PRDM5: variants seen among roughly 807,000 people sequenced by gnomAD.
PRDM5 encodes the protein PR/SET domain 5.
PRDM5 carries 56 observed loss-of-function variants against 81.2 expected under a neutral mutation model. The observed-to-expected ratio is 0.69, with a 90% CI of 0.56 to 0.86. PRDM5 has a LOEUF of 0.86. Among genes scored for constraint, PRDM5 ranks in the 40% least tolerant of loss-of-function variants. The pLI is 0.00. For missense variants in PRDM5, 697 were observed against 770.1 expected (o/e 0.91, Z 1.12); for synonymous variants, 267 against 256.4 (o/e 1.04, Z -0.39).
At chr4:120,803,981 T>C (rs561015204) in intron 8 of PRDM5, among the ~76,000 whole-genome samples, 10 of 152,094 alleles carry the variant, frequency 6.6e-5, no homozygotes, top group African/African-American at 2.4e-4. Context: ...GAGTCACAAA[T>C]AGGCTCAAAA....
chr4:120,884,867 A>C (rs1430808218), intron 2 of PRDM5, among the ~76,000 whole-genome samples: 1 of 152,046 alleles, frequency 6.6e-6, no homozygotes, highest in Non-Finnish European at 1.5e-5. Flanking sequence ...TTCCCAGTTC[A>C]AAAAAAGAAA....
At chr4:120,834,832 A>T (rs760094167) in intron 3 of PRDM5, among the ~76,000 whole-genome samples, 7 of 152,146 alleles carry the variant, frequency 4.6e-5, no homozygotes, top group Non-Finnish European at 1.0e-4. Context: ...TTGGCTTTTC[A>T]TGCCCTCAGA....
chr4:120,776,969 T>C (rs1748242676), intron 13 of PRDM5, among the ~76,000 whole-genome samples: 1 of 152,186 alleles, frequency 6.6e-6, no homozygotes, highest in African/African-American at 2.4e-5. Context: ...ATTAAAAACA[T>C]TATTTCCACT....
intron 2 of PRDM5, among the ~76,000 whole-genome samples, chr4:120,867,302 A>G (rs1761292637): frequency 6.6e-6 from 1 of 152,234 alleles, no homozygotes; most frequent in Non-Finnish European, 1.5e-5. Context: ...AATGATCTTC[A>G]TAAATTTTAA....
chr4:120,794,168 T>C (rs569177569), intron 10 of PRDM5, among the ~76,000 whole-genome samples: 1 of 152,230 alleles, frequency 6.6e-6, no homozygotes, highest in South Asian at 2.1e-4. Flanking sequence ...GGTGATTTTG[T>C]ACAATATAGC....
chr4:120,889,454 A>G (rs1337090947), intron 2 of PRDM5, among the ~76,000 whole-genome samples: 2 of 152,192 alleles, frequency 1.3e-5, no homozygotes, highest in African/African-American at 4.8e-5. Flanking sequence ...TTTACTTCAA[A>G]GCTGCCTTGA....
intron 14 of PRDM5, among the ~76,000 whole-genome samples, chr4:120,717,261 C>A (rs1737930866): frequency 6.6e-6 from 1 of 152,046 alleles, no homozygotes; most frequent in African/African-American, 2.4e-5. Flanking sequence ...GGAATCATTA[C>A]TAAATGGAGG....
intron 2 of PRDM5, among the ~76,000 whole-genome samples, chr4:120,901,659 T>C (rs980460764): frequency 3.9e-5 from 6 of 152,256 alleles, no homozygotes; most frequent in African/African-American, 1.4e-4. Context: ...TAAATACCTT[T>C]TTAGCATAAG....
At position 120,780,250 on chromosome 4, in the gene PRDM5, T is replaced by C. The variant is rs532642145; in HGVS notation, c.1443+893A>G. Among the ~76,000 whole-genome samples the C allele has an allele frequency of 1.2e-4, 17 of 142,580 alleles. No homozygotes were observed. The South Asian group carries it at 3.6e-3, about 31-fold the overall frequency. The allele number at this position is 142,580 out of a possible 152,430, so 93.5% of individuals were successfully genotyped here. A position where few individuals can be genotyped will look rare whatever the true frequency, so the allele number is the denominator to read the frequency against. On this transcript the variant is annotated intron_variant, in intron 12 of 15. Coordinates refer to ENST00000264808, the MANE Select transcript of PRDM5 (RefSeq NM_018699.4). ...GCTTGAGCCCAGGAGTTCAAGACCA[T>C]CCTGGGCAACATAGCAAGACCCTAT...
intron 2 of PRDM5, among the ~76,000 whole-genome samples, chr4:120,885,134 C>CAAAAAAAAAAAAAAAAAAAAAAAGAAAAA (rs60623556): frequency 3.9e-5 from 2 of 50,708 alleles, no homozygotes; most frequent in Admixed American, 2.3e-4. Flanking sequence ...GACTCCGTAT[C>CAAAAAAAAAAAAAAAAAAAAAAAGAAAAA]AAAAAAAAAA....
chr4:120,895,544 TTCATCTTCTTCCCCTCTGCCC>T (rs1764518341), intron 2 of PRDM5: 1 of 152,506 alleles, frequency 6.6e-6, no homozygotes, highest in South Asian at 2.1e-4. Context: ...CAACACCATC[TTCATCTTCTTCCCCTCTGCCC>T]TCATCTTCTT....
chr4:120,685,156 A>G (rs1733785551), intron 1 of PRDM5: 1 of 152,054 alleles, frequency 6.6e-6, no homozygotes, highest in South Asian at 2.1e-4. Flanking sequence ...TATGAGCTAT[A>G]TCACTTAAAA....
intron 2 of PRDM5, among the ~76,000 whole-genome samples, chr4:120,883,192 A>G (rs957145582): frequency 7.9e-5 from 12 of 152,156 alleles, no homozygotes; most frequent in African/African-American, 2.9e-4. Flanking sequence ...TTTTCTCTCA[A>G]TGTAAAGCAA....
At chr4:120,840,071 G>A (rs1757827427) in intron 3 of PRDM5, among the ~76,000 whole-genome samples, 1 of 152,226 alleles carries the variant, frequency 6.6e-6, no homozygotes, top group South Asian at 2.1e-4. Context: ...AGGGAGGCCT[G>A]GGTCCACAGC....
chr4:120,806,361 A>G (rs1752932415), intron 8 of PRDM5, among the ~76,000 whole-genome samples: 1 of 152,212 alleles, frequency 6.6e-6, no homozygotes, highest in Non-Finnish European at 1.5e-5. Context: ...GAAAGTTCCT[A>G]TGGAACTAAA....
chr4:120,809,094 G>A (rs553391692), intron 8 of PRDM5, among the ~76,000 whole-genome samples: 5 of 152,330 alleles, frequency 3.3e-5, no homozygotes, highest in African/African-American at 4.8e-5. Flanking sequence ...AAGATGGAGC[G>A]AAGGCTGCGA....
intron 12 of PRDM5, 142 bp from the exon 13 acceptor site, chr4:120,777,423 C>T (rs1748337045): frequency 1.4e-6 from 2 of 1,444,558 alleles, no homozygotes; most frequent in Admixed American, 2.2e-5. Flanking sequence ...AGATTTTAAA[C>T]AATTTATGAT....
chr4:120,914,458 G>C (rs1723870875), intron 1 of PRDM5, among the ~76,000 whole-genome samples: 1 of 151,996 alleles, frequency 6.6e-6, no homozygotes, highest in Admixed American at 6.6e-5. Flanking sequence ...TTTTTAAAGG[G>C]ATGAGAAGTG....
At chr4:120,689,532 C>A (rs75486981), downstream of PRDM5, among the ~76,000 whole-genome samples, 2,142 of 151,946 alleles carry the variant, frequency 0.014, 48 homozygotes, top group African/African-American at 0.048. Context: ...AGATTTCCTA[C>A]ATTTCAGTAA....
Sources: allele counts gnomAD v4.1 joint callset (sites outside exome capture counted in the v4.1 genomes callset), GRCh38; gene constraint gnomAD v4.1.1; transcripts MANE v1.5; gene names NCBI Gene and HGNC (gene_info 2026-07-23, HGNC 2026-07-21).